Variants in DGKI observed in about 807,000 individuals in gnomAD.
DGKI encodes the protein DAG kinase iota.
DGKI carries 55 observed loss-of-function variants against 147.5 expected under a neutral mutation model. That is an observed-to-expected ratio of 0.37 (90% CI 0.30 to 0.47). DGKI has a LOEUF of 0.47. DGKI is among the 20% of genes least tolerant of loss of function. The probability of loss-of-function intolerance (pLI) is 1.00; values close to 1 mark genes in which losing one functional copy is unlikely to be tolerated. For synonymous variants in DGKI, 469 were observed against 477.1 expected, an observed-to-expected ratio of 0.98 and a Z score of 0.22; for missense variants, 1,007 against 1,323.8, an observed-to-expected ratio of 0.76 and a Z score of 3.71.
rs144197443 is a variant in DGKI at position 137,513,889 on chromosome 7, C to T, written c.2248+7977G>A. On this transcript the variant is annotated intron_variant, in intron 21 of 32. Transcript: ENST00000614521. The stretch of plus-strand genomic sequence containing the variant: ...AGCCAAGTGGAGGAAGAAGCGAATG[C>T]GCAGGCTGAAGCGCAAAAGAAGAAA... 5.9e-4 allele frequency: 412 copies of T among 701,302 alleles called. 2 individuals are homozygous for T. In the East Asian group the frequency reaches 8.6e-3, roughly 15 times the overall value. The allele number at this position is 701,302 out of a possible 1,614,324, so 43.4% of individuals were successfully genotyped here. A position where few individuals can be genotyped will look rare whatever the true frequency, so the allele number is the denominator to read the frequency against.
intron 1 of DGKI, among the ~76,000 whole-genome samples, chr7:137,833,193 C>T (rs917405998): frequency 1.3e-5 from 2 of 152,214 alleles, no homozygotes; most frequent in Non-Finnish European, 2.9e-5. Flanking sequence ...ATCTTTTCAG[C>T]AGCACCCTAC....
intron 3 of DGKI, among the ~76,000 whole-genome samples, chr7:137,659,160 C>T (rs1046078025): frequency 3.3e-5 from 5 of 152,130 alleles, no homozygotes; most frequent in African/African-American, 4.8e-5. Flanking sequence ...TCTTTTGTTG[C>T]TCTCAATTTC....
At chr7:137,458,146 T>C (rs1351605767) in intron 27 of DGKI, among the ~76,000 whole-genome samples, 2 of 152,208 alleles carry the variant, frequency 1.3e-5, no homozygotes, top group African/African-American at 4.8e-5. Flanking sequence ...AATACACGAT[T>C]GACTGAATTG....
intron 28 of DGKI, among the ~76,000 whole-genome samples, chr7:137,429,204 G>T (rs1812955624): frequency 6.6e-6 from 1 of 151,742 alleles, no homozygotes; most frequent in Admixed American, 6.6e-5. Flanking sequence ...CCAAAACAGA[G>T]ATATAGATCA....
chr7:137,478,016 C>T (rs143572654), intron 23 of DGKI, among the ~76,000 whole-genome samples: 229 of 152,156 alleles, frequency 1.5e-3, no homozygotes, highest in Non-Finnish European at 2.6e-3. Context: ...TGTCTATGTG[C>T]GTAACTTTGT....
At position 137,841,882 on chromosome 7, in the gene DGKI, C is replaced by T. The variant is rs973828585; in HGVS notation, c.401+4580G>A. On this transcript the variant is annotated intron_variant, in intron 1 of 32. Transcript: ENST00000614521. ...CAGCAGAATTGAACACCAGCAAAGA[C>T]CTCTCTTCAACTTCCCTATCCCCAG... is the stretch of plus-strand genomic sequence containing the variant. Among the ~76,000 whole-genome samples the T allele has an allele frequency of 5.6e-4, 86 of 152,320 alleles. 1 individual carries two copies. Among genetic ancestry groups the T allele is most frequent in the African/African-American group, 2.0e-3 (84 of 41,568 alleles).
chr7:137,598,074 G>T (rs706566), intron 11 of DGKI, among the ~76,000 whole-genome samples, 167 bp from the exon 12 acceptor site: 2,593 of 152,268 alleles, frequency 0.017, 72 homozygotes, highest in African/African-American at 0.059. Context: ...CAGGAAGAAT[G>T]ACTCCCACCA....
chr7:137,711,337 G>A (rs1354049028), intron 1 of DGKI, among the ~76,000 whole-genome samples: 1 of 151,764 alleles, frequency 6.6e-6, no homozygotes, highest in Non-Finnish European at 1.5e-5. Flanking sequence ...AAATATAAAG[G>A]CAACTCAAAT....
At chr7:137,797,169 G>A (rs1797058586) in intron 1 of DGKI, among the ~76,000 whole-genome samples, 2 of 152,196 alleles carry the variant, frequency 1.3e-5, no homozygotes, top group South Asian at 4.1e-4. Flanking sequence ...CTGGTAGAAA[G>A]GGACTGTCAG....
intron 28 of DGKI, among the ~76,000 whole-genome samples, chr7:137,420,553 T>C (rs989260807): frequency 1.3e-5 from 2 of 152,096 alleles, no homozygotes; most frequent in African/African-American, 4.8e-5. Flanking sequence ...CTGGTTTATG[T>C]CATGAGTATC....
chr7:137,559,523 C>G (rs1353595446), intron 19 of DGKI, among the ~76,000 whole-genome samples: 1 of 152,048 alleles, frequency 6.6e-6, no homozygotes, highest in Non-Finnish European at 1.5e-5. Context: ...TGAAAAACCT[C>G]CCTTCTGCAA....
chr7:137,553,665 A>C (rs1818127420), intron 19 of DGKI, among the ~76,000 whole-genome samples: 1 of 152,222 alleles, frequency 6.6e-6, no homozygotes, highest in Non-Finnish European at 1.5e-5. Context: ...CAGTTTAATA[A>C]ATATTTTATA....
intron 28 of DGKI, among the ~76,000 whole-genome samples, chr7:137,430,409 TG>T (rs1813017314): frequency 3.1e-5 from 1 of 32,204 alleles, no homozygotes; most frequent in Non-Finnish European, 6.0e-5. Flanking sequence ...TATTGTGGCG[TG>T]GGGGGAGGGG....
At chr7:137,471,041 T>G (rs1814862518) in intron 23 of DGKI, among the ~76,000 whole-genome samples, 1 of 152,214 alleles carries the variant, frequency 6.6e-6, no homozygotes, top group African/African-American at 2.4e-5. Flanking sequence ...CTCTTTAAGA[T>G]TCCAAACTTT....
At chr7:137,665,603 G>A (rs766383396) in intron 3 of DGKI, among the ~76,000 whole-genome samples, 40 of 152,180 alleles carry the variant, frequency 2.6e-4, no homozygotes, top group Non-Finnish European at 4.4e-4. Flanking sequence ...TTATGTTGAT[G>A]TTCCTAGCAC....
At chr7:137,739,884 C>G (rs1290947981) in intron 1 of DGKI, among the ~76,000 whole-genome samples, 1 of 152,156 alleles carries the variant, frequency 6.6e-6, no homozygotes, top group Non-Finnish European at 1.5e-5. Context: ...AAAGGTTGAA[C>G]CTGAGGTCTG....
chr7:137,640,006 G>GT (rs372124897), intron 6 of DGKI, among the ~76,000 whole-genome samples: 4,640 of 143,324 alleles, frequency 0.032, 70 homozygotes, highest in Non-Finnish European at 0.04. Flanking sequence ...TTATTATTAG[G>GT]TTTTTTTTTT....
In DGKI at chr7:137,757,892, A is replaced by G. The variant is rs1444662926; in HGVS notation, c.402-67890T>C. On this transcript the variant is annotated intron_variant, in intron 1 of 32. Transcript: ENST00000614521. ...ATTTCTCTAAAAAGTAGTTTAAGAC[A>G]TATAGCGAAATTGGAGAATCGTAAC... Among the ~76,000 whole-genome samples the G allele has an allele frequency of 5.3e-5, 8 of 152,202 alleles. No homozygotes were observed. The East Asian group carries it at 1.5e-3, about 29-fold the overall frequency.
chr7:137,571,510 C>T (rs1818792602), intron 18 of DGKI, among the ~76,000 whole-genome samples: 1 of 152,194 alleles, frequency 6.6e-6, no homozygotes, highest in African/African-American at 2.4e-5. Flanking sequence ...CCTGTGGTAT[C>T]CAACTTTCTC....
Sources: allele counts gnomAD v4.1 joint callset (sites outside exome capture counted in the v4.1 genomes callset), GRCh38; gene constraint gnomAD v4.1.1; transcripts MANE v1.5; gene names NCBI Gene and HGNC (gene_info 2026-07-23, HGNC 2026-07-21).